Variants in SCLT1 observed in about 807,000 individuals in gnomAD.
SCLT1 encodes sodium channel-associated protein 1.
In SCLT1, 78 loss-of-function variants were observed where a neutral mutation model predicts 112.8. The observed-to-expected ratio is 0.69, with a 90% CI of 0.58 to 0.83. SCLT1 has a LOEUF of 0.83. Among genes scored for constraint, SCLT1 ranks in the 40% least tolerant of loss-of-function variants. The pLI, the probability that SCLT1 is intolerant of heterozygous loss-of-function variation, is 0.00. For missense variants in SCLT1, 747 were observed against 770.4 expected (o/e 0.97, Z 0.36); for synonymous variants, 257 against 254.7 (o/e 1.01, Z -0.09).
intron 5 of SCLT1, among the ~76,000 whole-genome samples, chr4:129,025,311 T>C (rs1273356078): frequency 6.6e-6 from 1 of 152,202 alleles, no homozygotes; most frequent in Non-Finnish European, 1.5e-5. Flanking sequence ...AAGGTCGGGT[T>C]ACCCACAAAG....
chr4:128,921,391 T>C (rs1735871611), intron 18 of SCLT1, among the ~76,000 whole-genome samples: 3 of 152,030 alleles, frequency 2.0e-5, no homozygotes, highest in African/African-American at 4.8e-5. Context: ...ACCATGTTAA[T>C]GAATGAAAAA....
At chr4:128,908,592 ATAAT>A (rs909041487) in intron 18 of SCLT1, among the ~76,000 whole-genome samples, 3 of 152,288 alleles carry the variant, frequency 2.0e-5, no homozygotes, top group African/African-American at 4.8e-5. Flanking sequence ...ATCTAATTGA[ATAAT>A]TAGATTCCTT....
intron 5 of SCLT1, among the ~76,000 whole-genome samples, chr4:129,030,087 A>G (rs1254121002): frequency 1.3e-5 from 2 of 152,204 alleles, no homozygotes. Context: ...CAAATGAAAA[A>G]GAATGGAGTT....
chr4:129,011,199 T>G (rs1339621458), intron 5 of SCLT1, among the ~76,000 whole-genome samples: 1 of 152,224 alleles, frequency 6.6e-6, no homozygotes, highest in Non-Finnish European at 1.5e-5. Context: ...TCTTTAGTTC[T>G]GTTTATGTGA....
intron 2 of SCLT1, among the ~76,000 whole-genome samples, chr4:129,080,202 T>C (rs373357515): frequency 2.0e-5 from 3 of 152,248 alleles, no homozygotes; most frequent in East Asian, 1.9e-4. Flanking sequence ...TCTTTACTTA[T>C]GCAAATTTCT....
Position 128,921,002 on chromosome 4 carries a change from T to C in SCLT1, c.1829+15653A>G, listed in dbSNP as rs185841644. Among the ~76,000 whole-genome samples the C allele has an allele frequency of 5.9e-5, 9 of 152,270 alleles. No homozygotes were observed. The East Asian group carries it at 1.7e-3, about 29-fold the overall frequency. On this transcript the variant is annotated intron_variant, in intron 18 of 20. Transcript: ENST00000281142. The stretch of plus-strand genomic sequence containing the variant: ...TGTACCAAAATCCATTGCATTTCTA[T>C]ACATCAGTGACATCTAAGCAGAGAC...
chr4:129,043,457 G>A lies in SCLT1; in HGVS notation c.172C>T (p.Pro58Ser). 6.7e-7 allele frequency: 1 copy of A among 1,500,644 alleles called. No homozygotes were observed. Among genetic ancestry groups the A allele is most frequent in the Non-Finnish European group, 9.1e-7 (1 of 1,093,274 alleles). The allele number at this position is 1,500,644 out of a possible 1,614,324, so 93.0% of individuals were successfully genotyped here. Reference sequence around the variant, plus strand: ...TGTTTATCATACTCAGTAACAAGAGGAGCTAAAAAGCTAAAAAAAGACAAT... The same window carrying A: ...TGTTTATCATACTCAGTAACAAGAGAAGCTAAAAAGCTAAAAAAAGACAAT... ...NLVFDQSFLAPLVTEYDKHLG... is the reference protein window; with the variant it reads ...NLVFDQSFLASLVTEYDKHLG... The change falls in exon 4 of 21, where the codon CCT (proline) becomes TCT (serine). Residue 58 changes from proline (P) to serine (S), a missense_variant. Transcript: ENST00000281142.
intron 11 of SCLT1, among the ~76,000 whole-genome samples, chr4:128,961,286 C>T (rs1041986020): frequency 6.6e-6 from 1 of 151,944 alleles, no homozygotes; most frequent in African/African-American, 2.4e-5. Context: ...AATTTAAGTT[C>T]CAGACTAATG....
intron 2 of SCLT1, among the ~76,000 whole-genome samples, chr4:129,055,961 G>A (rs1749347129): frequency 6.6e-6 from 1 of 152,186 alleles, no homozygotes; most frequent in Non-Finnish European, 1.5e-5. Context: ...CTGATCTGCA[G>A]ATTGCAGAAA....
chr4:128,949,581 C>T (rs1312382611), intron 14 of SCLT1, among the ~76,000 whole-genome samples: 1 of 151,970 alleles, frequency 6.6e-6, no homozygotes, highest in Non-Finnish European at 1.5e-5. Context: ...TTCCTGTGTC[C>T]ATGTGTTCTC....
intron 5 of SCLT1, among the ~76,000 whole-genome samples, chr4:129,019,245 A>G (rs1238373123): frequency 1.3e-5 from 2 of 152,200 alleles, no homozygotes; most frequent in African/African-American, 4.8e-5. Flanking sequence ...AATTATTCCA[A>G]ACAGACAATA....
intron 18 of SCLT1, among the ~76,000 whole-genome samples, chr4:128,900,877 A>C (rs1258520688): frequency 6.6e-6 from 1 of 152,212 alleles, no homozygotes; most frequent in Non-Finnish European, 1.5e-5. Flanking sequence ...ATGAACAGAC[A>C]CTTCTCAAAA....
chr4:129,063,352 A>T (rs1472470280), intron 2 of SCLT1, among the ~76,000 whole-genome samples: 1 of 152,238 alleles, frequency 6.6e-6, no homozygotes. Flanking sequence ...TACCCACTCC[A>T]TACCTTCAGC....
intron 2 of SCLT1, among the ~76,000 whole-genome samples, chr4:129,058,829 GTCTA>G (rs1315959366): frequency 5.9e-5 from 9 of 152,196 alleles, no homozygotes; most frequent in African/African-American, 9.6e-5. Context: ...TTGTATTACA[GTCTA>G]TCTATCACTT....
At chr4:128,920,991 T>C (rs1046559191) in intron 18 of SCLT1, among the ~76,000 whole-genome samples, 4 of 152,232 alleles carry the variant, frequency 2.6e-5, no homozygotes, top group East Asian at 1.9e-4. Context: ...CCAAAATCCA[T>C]TGCATTTCTA....
chr4:128,929,954 T>C (rs986836384), intron 18 of SCLT1, among the ~76,000 whole-genome samples: 3 of 152,110 alleles, frequency 2.0e-5, no homozygotes, highest in South Asian at 2.1e-4. Flanking sequence ...CATGCAAAGA[T>C]GAGGTGAAAG....
At chr4:128,936,990 C>T in intron 17 of SCLT1, 139 bp from the exon 18 acceptor site, 1 of 455,310 alleles carries the variant, frequency 2.2e-6, no homozygotes, top group East Asian at 3.6e-5. Context: ...CGTAAGAAAT[C>T]AAGTTTGGTC....
chr4:129,015,382 C>T (rs116728794), intron 5 of SCLT1, among the ~76,000 whole-genome samples: 1 of 152,118 alleles, frequency 6.6e-6, no homozygotes, highest in African/African-American at 2.4e-5. Flanking sequence ...TCCCAGGGCA[C>T]CTGAGGCTGT....
At chr4:128,988,569 G>A (rs1235175377) in intron 9 of SCLT1, among the ~76,000 whole-genome samples, 3 of 151,848 alleles carry the variant, frequency 2.0e-5, no homozygotes, top group African/African-American at 7.2e-5. Context: ...AAGGAAGGAA[G>A]AGAGGACCAA....
Sources: gnomAD v4.1 joint callset for allele counts (sites outside exome capture counted in the v4.1 genomes callset) on GRCh38, gnomAD v4.1.1 for gene constraint, MANE v1.5 for transcripts, NCBI Gene and HGNC (gene_info 2026-07-23, HGNC 2026-07-21) for gene names.